ATP9B: variants seen among roughly 807,000 people sequenced by gnomAD.
The protein encoded by ATP9B is ATPase phospholipid transporting 9B.
In ATP9B, 110 loss-of-function variants were observed where a neutral mutation model predicts 146.1. The observed-to-expected ratio is 0.75, with a 90% CI of 0.65 to 0.88. The LOEUF is 0.88. Ranked by LOEUF, ATP9B falls within the 40% of genes least tolerant of loss-of-function variation. The pLI is 0.00. For missense variants in ATP9B, 1,499 were observed against 1,496.4 expected (o/e 1.00, Z -0.03); for synonymous variants, 604 against 569.7 (o/e 1.06, Z -0.86).
At chr18:79,224,117 T>C (rs965952457) in intron 11 of ATP9B, among the ~76,000 whole-genome samples, 3 of 152,218 alleles carry the variant, frequency 2.0e-5, no homozygotes, top group African/African-American at 7.2e-5. Context: ...TTCTAAGCGG[T>C]ATAGCTAAAT....
At chr18:79,131,107 G>C (rs901380953) in intron 5 of ATP9B, among the ~76,000 whole-genome samples, 21 of 152,144 alleles carry the variant, frequency 1.4e-4, no homozygotes, top group Admixed American at 1.4e-3. Context: ...GTTGCAATGA[G>C]CTGAGATCGT....
intron 7 of ATP9B, among the ~76,000 whole-genome samples, chr18:79,160,731 T>C (rs1201001429): frequency 2.6e-5 from 4 of 152,110 alleles, no homozygotes; most frequent in Middle Eastern, 3.2e-3. Flanking sequence ...TATATGACTA[T>C]TAGCAATTTT....
intron 11 of ATP9B, among the ~76,000 whole-genome samples, chr18:79,243,959 C>T (rs569583397): frequency 9.2e-5 from 14 of 152,178 alleles, no homozygotes; most frequent in Non-Finnish European, 1.6e-4. Context: ...AAATTTCTCA[C>T]TTTACTGTAG....
chr18:79,329,463 T>A (rs541215643), intron 16 of ATP9B, among the ~76,000 whole-genome samples, 161 bp downstream of exon 16: 3 of 151,772 alleles, frequency 2.0e-5, no homozygotes, highest in South Asian at 2.1e-4. Context: ...AAGCTAATAA[T>A]CTATATCTGG....
At chr18:79,257,396 T>A (rs1167427296) in intron 12 of ATP9B, among the ~76,000 whole-genome samples, 2 of 152,184 alleles carry the variant, frequency 1.3e-5, no homozygotes, top group Admixed American at 1.3e-4. Context: ...ACAGAGCAAA[T>A]GGGCAGGCCA....
chr18:79,133,643 TG>T (rs1394794031), intron 5 of ATP9B, among the ~76,000 whole-genome samples: 1 of 152,208 alleles, frequency 6.6e-6, no homozygotes, highest in African/African-American at 2.4e-5. Flanking sequence ...TCATTACCAC[TG>T]TTTCTTCTCA....
rs540924998 is a variant in ATP9B at position 79,363,452 on chromosome 18, A to T, written c.3012+3990A>T. 8 of 152,432 alleles carry T rather than the reference A, an allele frequency of 5.2e-5. No homozygotes were observed. In the South Asian group the frequency reaches 1.7e-3, roughly 32 times the overall value. 9.4% of individuals were successfully genotyped at this position (152,432 alleles called of 1,614,324 possible). ...TTCCTGGATCAAGAGGCATAAACAG[A>T]TGTTCCTGGATTGAGAGACGTAAAC... On this transcript the variant is annotated intron_variant, in intron 26 of 29. Transcript: ENST00000426216.
At chr18:79,177,916 C>T (rs2095199046) in intron 8 of ATP9B, among the ~76,000 whole-genome samples, 1 of 152,120 alleles carries the variant, frequency 6.6e-6, no homozygotes, top group African/African-American at 2.4e-5. Context: ...CTTAAATTAT[C>T]TAGGATACTA....
chr18:79,214,311 A>G (rs1348274478), intron 11 of ATP9B, among the ~76,000 whole-genome samples: 2 of 152,196 alleles, frequency 1.3e-5, no homozygotes, highest in African/African-American at 4.8e-5. Context: ...GTAATTTGAC[A>G]GTTAATTGTG....
intron 7 of ATP9B, chr18:79,173,714 T>A (rs1297808057): frequency 2.2e-6 from 1 of 455,964 alleles, no homozygotes; most frequent in Non-Finnish European, 4.4e-6. Context: ...TCAAACAATC[T>A]TGATTACTGC....
chr18:79,323,751 G>T (rs989899315), intron 15 of ATP9B, among the ~76,000 whole-genome samples: 1 of 152,224 alleles, frequency 6.6e-6, no homozygotes, highest in African/African-American at 2.4e-5. Flanking sequence ...ACTGTGAACA[G>T]TGCCGCAGTA....
intron 7 of ATP9B, among the ~76,000 whole-genome samples, chr18:79,171,534 A>T (rs1245821842): frequency 6.6e-6 from 1 of 152,202 alleles, no homozygotes; most frequent in Admixed American, 6.5e-5. Context: ...CAAAGGTAGT[A>T]CAGGGAGACC....
intron 18 of ATP9B, 51 bp from the exon 19 acceptor site, chr18:79,337,228 A>C (rs780529861): frequency 6.3e-7 from 1 of 1,598,628 alleles, no homozygotes; most frequent in South Asian, 1.1e-5. Flanking sequence ...TGTGGAGTCC[A>C]CACACAGCAC....
At chr18:79,335,960 CT>C (rs2096822355) in intron 17 of ATP9B, among the ~76,000 whole-genome samples, 1 of 152,058 alleles carries the variant, frequency 6.6e-6, no homozygotes, top group Admixed American at 6.6e-5. Flanking sequence ...GGGGGTCCCC[CT>C]CTCCCCCAGT....
chr18:79,368,145 G>C (rs6506760), intron 26 of ATP9B, among the ~76,000 whole-genome samples: 1 of 152,130 alleles, frequency 6.6e-6, no homozygotes, highest in Non-Finnish European at 1.5e-5. Flanking sequence ...GGCTGTCTGC[G>C]CTGCTTCTGC....
At chr18:79,292,363 G>A (rs10438898) in intron 13 of ATP9B, among the ~76,000 whole-genome samples, 4 of 151,852 alleles carry the variant, frequency 2.6e-5, no homozygotes, top group African/African-American at 4.8e-5. Context: ...ATTGTAGGAC[G>A]CAAGATCAAC....
At chr18:79,278,078 T>C (rs1436807254) in intron 13 of ATP9B, among the ~76,000 whole-genome samples, 8 of 152,136 alleles carry the variant, frequency 5.3e-5, no homozygotes, top group Non-Finnish European at 4.4e-5. Flanking sequence ...GAAACAAATA[T>C]TTGCAGGTAT....
chr18:79,132,246 T>C (rs9946964), intron 5 of ATP9B, among the ~76,000 whole-genome samples: 2 of 152,052 alleles, frequency 1.3e-5, no homozygotes, highest in African/African-American at 4.8e-5. Context: ...ACATGAAAAT[T>C]TACCATTTAA....
chr18:79,240,757 A>G (rs2095880239), intron 11 of ATP9B, among the ~76,000 whole-genome samples: 1 of 152,232 alleles, frequency 6.6e-6, no homozygotes, highest in Non-Finnish European at 1.5e-5. Context: ...AAAAAACAAC[A>G]GAAAAAGAAG....
Sources: allele counts gnomAD v4.1 joint callset (sites outside exome capture counted in the v4.1 genomes callset), GRCh38; gene constraint gnomAD v4.1.1; transcripts MANE v1.5; gene names NCBI Gene and HGNC (gene_info 2026-07-23, HGNC 2026-07-21).